The following RAB43 variants were observed in gnomAD, a reference collection of about 807,000 sequenced individuals.
The protein encoded by RAB43 is ras-related protein Rab-43.
A neutral mutation model predicts 18.8 loss-of-function variants in RAB43; 6 were observed. That is an observed-to-expected ratio of 0.32 (90% CI 0.17 to 0.63). The LOEUF is 0.63. Ranked by LOEUF, RAB43 falls within the 30% of genes least tolerant of loss-of-function variation. The probability of loss-of-function intolerance (pLI) is 0.79; values close to 1 mark genes in which losing one functional copy is unlikely to be tolerated. For missense variants in RAB43, 195 were observed against 289.1 expected, an observed-to-expected ratio of 0.67 and a Z score of 2.36; for synonymous variants, 103 against 124.1, an observed-to-expected ratio of 0.83 and a Z score of 1.13.
intron 1 of RAB43, among the ~76,000 whole-genome samples, chr3:129,109,807 T>C (rs1416771020): frequency 6.6e-6 from 1 of 151,838 alleles, no homozygotes. Context: ...TGGTACATAA[T>C]GTAAAAAAAA....
At chr3:129,115,177 A>G (rs1021540110) in intron 1 of RAB43, among the ~76,000 whole-genome samples, 2 of 152,190 alleles carry the variant, frequency 1.3e-5, no homozygotes, top group Non-Finnish European at 2.9e-5. Context: ...GCTACCTGCC[A>G]TCAACTTTGC....
chr3:129,111,376 G>A (rs569048553), intron 1 of RAB43, among the ~76,000 whole-genome samples: 72 of 151,998 alleles, frequency 4.7e-4, no homozygotes, highest in Non-Finnish European at 8.8e-4. Context: ...TTAGCCGGGC[G>A]TAGTGGTGTG....
At position 129,107,735 on chromosome 3, in the gene RAB43, C is replaced by A. The variant is rs1324281798; in HGVS notation, c.205-12566G>T. Among the ~76,000 whole-genome samples, 1 of 152,174 alleles carries A rather than the reference C, an allele frequency of 6.6e-6. No individual in the cohort carries two copies. The highest frequency in any genetic ancestry group is 1.5e-5 in the Non-Finnish European group (1 of 68,034). ...CACCTCTTTTCCCCAAATTCCTCCG[C>A]TGCAAGGGCCCAGGCACAAGGGATT... On this transcript the variant is annotated intron_variant, in intron 1 of 2. Coordinates refer to ENST00000315150, the MANE Select transcript of RAB43 (RefSeq NM_198490.3). This position sits in a 1 kb window ranked among gnomAD's most constrained non-coding sequence, Gnocchi z 4.2.
At chr3:129,101,167 C>G (rs2107996923) in intron 1 of RAB43, among the ~76,000 whole-genome samples, 1 of 152,280 alleles carries the variant, frequency 6.6e-6, no homozygotes, top group South Asian at 2.1e-4. Flanking sequence ...CCCATGTGCC[C>G]AAGTGCTAGC....
chr3:129,111,257 G>A (rs924215140), intron 1 of RAB43, among the ~76,000 whole-genome samples: 9 of 152,078 alleles, frequency 5.9e-5, no homozygotes, highest in Admixed American at 5.9e-4. Context: ...GCTCATGCCT[G>A]TAATCCCAAC....
chr3:129,094,875 C>T, intron 2 of RAB43, 111 bp downstream of exon 2: 3 of 1,425,532 alleles, frequency 2.1e-6, no homozygotes, highest in Non-Finnish European at 2.8e-6. Context: ...ATGGCTCAAA[C>T]TCTGGCTGGG....
intron 1 of RAB43, among the ~76,000 whole-genome samples, chr3:129,118,432 G>C (rs575453034): frequency 6.6e-6 from 1 of 152,182 alleles, no homozygotes; most frequent in African/African-American, 2.4e-5. Context: ...CTAGATAAAG[G>C]TATTGCTCTG....
chr3:129,105,180 C>T (rs567938335), intron 1 of RAB43, among the ~76,000 whole-genome samples: 2 of 152,186 alleles, frequency 1.3e-5, no homozygotes, highest in African/African-American at 2.4e-5. Context: ...ACCCTTCTGC[C>T]GGCCAAACAA....
rs1251431432 is a variant in RAB43, at chr3:129,095,977, GGGCATATGC to G, written c.205-817_205-809del. ...CTCTGGGCAGAGATCACCAGCCAAG[GGGCATATGC>G]CAGGGATCTTGGTGACCAAACACCT... On this transcript the variant is annotated intron_variant, in intron 1 of 2. Transcript: ENST00000315150. This position sits in a 1 kb window ranked among gnomAD's most constrained non-coding sequence, Gnocchi z 4.2. Among the ~76,000 whole-genome samples, 1 of 152,200 alleles carries G rather than the reference GGGCATATGC, an allele frequency of 6.6e-6. No homozygotes were observed. Among genetic ancestry groups the G allele is most frequent in the Non-Finnish European group, 1.5e-5 (1 of 68,032 alleles).
rs190050248 is a variant in RAB43 at position 129,109,342 on chromosome 3, G to A, written c.204+11944C>T. ...GGAGAATGGCGTGAACCTGGCAGGC[G>A]GAGCTTGCAGTGAGCCGAGGTTGCG... On this transcript the variant is annotated intron_variant, in intron 1 of 2. Transcript: ENST00000315150. 5.0e-4 allele frequency among the ~76,000 whole-genome samples: 76 copies of A among 151,584 alleles called. 1 individual carries two copies. Among genetic ancestry groups the A allele is most frequent in the Middle Eastern group, 3.4e-3 (1 of 294 alleles).
intron 2 of RAB43, 82 bp downstream of exon 2, chr3:129,094,904 G>T (rs1933935142): frequency 1.3e-6 from 2 of 1,538,374 alleles, no homozygotes; most frequent in Admixed American, 1.8e-5. Flanking sequence ...TGAACTCAGG[G>T]TTACACTGTG....
chr3:129,100,751 G>A (rs983192866), intron 1 of RAB43, among the ~76,000 whole-genome samples: 1 of 152,184 alleles, frequency 6.6e-6, no homozygotes, highest in African/African-American at 2.4e-5. Context: ...CAACAAGCCT[G>A]AGCTCATGAC....
intron 2 of RAB43, chr3:129,092,611 T>C: frequency 1.6e-6 from 1 of 620,228 alleles, no homozygotes; most frequent in South Asian, 1.8e-5. Context: ...TATATGTATG[T>C]ATATAAGTAT....
At chr3:129,114,706 CAA>C (rs1935409927) in intron 1 of RAB43, among the ~76,000 whole-genome samples, 2 of 152,200 alleles carry the variant, frequency 1.3e-5, no homozygotes, top group Admixed American at 6.5e-5. Context: ...AAACAACGAA[CAA>C]GAGGAAAGCA....
rs144620708 is a variant in RAB43, at chr3:129,112,655, A to C, written c.204+8631T>G. On this transcript the variant is annotated intron_variant, in intron 1 of 2. Coordinates refer to ENST00000315150, the MANE Select transcript of RAB43 (RefSeq NM_198490.3). Reference sequence around the variant, plus strand: ...TCCAACAGCTGCCAGTGCCCAGCACATACAGGAATTGCCTAACATGAACCA... The same window carrying C: ...TCCAACAGCTGCCAGTGCCCAGCACCTACAGGAATTGCCTAACATGAACCA... Among the ~76,000 whole-genome samples, 13 of 152,356 alleles carry C rather than the reference A, an allele frequency of 8.5e-5. No homozygotes were observed. In the East Asian group the frequency reaches 2.5e-3, roughly 29 times the overall value.
chr3:129,094,844 A>G, intron 2 of RAB43, 142 bp downstream of exon 2: 2 of 1,154,628 alleles, frequency 1.7e-6, no homozygotes, highest in Non-Finnish European at 2.4e-6. Flanking sequence ...AGTGATTAGC[A>G]GGATCAGGAT....
Position 129,095,663 on chromosome 3 carries a change from C to CAA in RAB43, c.205-495_205-494insTT. Among the ~76,000 whole-genome samples, 1 of 152,294 alleles carries CAA rather than the reference C, an allele frequency of 6.6e-6. No homozygotes were observed. Among genetic ancestry groups the CAA allele is most frequent in the South Asian group, 2.1e-4 (1 of 4,824 alleles). ...GGACTCTACAGCTTGGTGATGAGGA[C>CAA]TGTGGGAAGGGTGACTGGTGGTGGC... On this transcript the variant is annotated intron_variant, in intron 1 of 2. Transcript: ENST00000315150. This position sits in a 1 kb window ranked among gnomAD's most constrained non-coding sequence, Gnocchi z 4.2.
chr3:129,095,130 T>C lies in RAB43; in HGVS notation c.244A>G (p.Thr82Ala). Residue 82 changes from threonine to alanine, a missense_variant, in exon 2 of 3, where the codon ACC (threonine) becomes GCC (alanine). Coordinates refer to ENST00000315150, the MANE Select transcript of RAB43 (RefSeq NM_198490.3). This position sits in a 1 kb window ranked among gnomAD's most constrained non-coding sequence, Gnocchi z 4.2. ...CTGCGGTAGTAGCTCTGGGTGATGGTGCGGAACCGCTCCTGGCCGGCCGTG... is the reference window on the plus strand; with the variant it reads ...CTGCGGTAGTAGCTCTGGGTGATGGCGCGGAACCGCTCCTGGCCGGCCGTG... ...WDTAGQERFR[T>A]ITQSYYRSAN... is the part of the protein sequence containing the mutation. 1.9e-6 allele frequency: 3 copies of C among 1,613,538 alleles called. No homozygotes were observed. Among genetic ancestry groups the C allele is most frequent in the Non-Finnish European group, 2.5e-6 (3 of 1,179,756 alleles).
In RAB43 at chr3:129,121,466, C is replaced by T. The variant is rs201719287; in HGVS notation, c.24G>A (p.Pro8=). Residue 8 remains proline, a synonymous_variant, in exon 1 of 3, where the codon CCG becomes CCA. Transcript: ENST00000315150. ...AATCGTACTGCTCGTCCGGGTCCCCCGGGCCTGGGCCCGGCCCTGCCATGG... is the reference window on the plus strand; with the variant it reads ...AATCGTACTGCTCGTCCGGGTCCCCTGGGCCTGGGCCCGGCCCTGCCATGG... MAGPGPG[P]GDPDEQYDFL... 4 of 1,612,088 alleles carry T rather than the reference C, an allele frequency of 2.5e-6. No individual in the cohort carries two copies. The Admixed American group carries it at 5.0e-5, about 20-fold the overall frequency.
Sources: allele counts gnomAD v4.1 joint callset (sites outside exome capture counted in the v4.1 genomes callset), GRCh38; gene constraint gnomAD v4.1.1; non-coding constraint Gnocchi (gnomAD v3.1); transcripts MANE v1.5; gene names NCBI Gene and HGNC (gene_info 2026-07-23, HGNC 2026-07-21).